Variants in ARAP2 observed in about 807,000 individuals in gnomAD.
ARAP2 encodes arf-GAP with Rho-GAP domain, ANK repeat and PH domain-containing protein 2.
A neutral mutation model predicts 194.5 loss-of-function variants in ARAP2; 148 were observed. The ratio of observed to expected loss-of-function variants is 0.76; its 90% CI spans 0.67 to 0.87. ARAP2 has a LOEUF of 0.87. Ranked by LOEUF, ARAP2 falls within the 40% of genes least tolerant of loss-of-function variation. The probability of loss-of-function intolerance (pLI) is 0.00; values close to 1 mark genes in which losing one functional copy is unlikely to be tolerated. For synonymous variants in ARAP2, 695 were observed against 683.5 expected, an observed-to-expected ratio of 1.02 and a Z score of -0.26; for missense variants, 2,128 against 1,989.7, an observed-to-expected ratio of 1.07 and a Z score of -1.32.
chr4:36,124,616 C>G (rs16991942), intron 22 of ARAP2, among the ~76,000 whole-genome samples: 1 of 151,816 alleles, frequency 6.6e-6, no homozygotes, highest in Non-Finnish European at 1.5e-5. Flanking sequence ...CTTTATTCTC[C>G]AGCTTCCAAA....
chr4:36,137,764 T>C (rs1450576700), intron 19 of ARAP2, among the ~76,000 whole-genome samples: 1 of 151,748 alleles, frequency 6.6e-6, no homozygotes, highest in East Asian at 1.9e-4. Context: ...TGAGCTTTCC[T>C]TTACCTGAGG....
At chr4:36,038,867 C>A (rs1720366555) in intron 5 of ARAP2, among the ~76,000 whole-genome samples, 1 of 152,258 alleles carries the variant, frequency 6.6e-6, no homozygotes, top group Non-Finnish European at 1.5e-5. Context: ...GAATGGAAAG[C>A]AATCTTGTAA....
intron 9 of ARAP2, among the ~76,000 whole-genome samples, chr4:36,011,592 G>A (rs576047797): frequency 6.6e-6 from 1 of 152,188 alleles, no homozygotes; most frequent in East Asian, 1.9e-4. Flanking sequence ...TGACTGTGAT[G>A]ACTAGTCACT....
intron 9 of ARAP2, among the ~76,000 whole-genome samples, chr4:36,169,510 C>T (rs866222582): frequency 6.6e-6 from 1 of 151,436 alleles, no homozygotes; most frequent in Non-Finnish European, 1.5e-5. Context: ...CCTCAAATTT[C>T]CCCCAAACAA....
At chr4:36,033,124 T>C (rs1197681619) in intron 5 of ARAP2, among the ~76,000 whole-genome samples, 1 of 152,224 alleles carries the variant, frequency 6.6e-6, no homozygotes, top group Admixed American at 6.5e-5. Flanking sequence ...AAATAGTGTT[T>C]CCATAAACAT....
chr4:36,060,112 A>G (rs1724175911), intron 1 of ARAP2, among the ~76,000 whole-genome samples: 1 of 152,174 alleles, frequency 6.6e-6, no homozygotes, highest in Admixed American at 6.5e-5. Context: ...AACAGGCTGT[A>G]AAATCATGGT....
chr4:36,091,889 C>G lies in ARAP2; in HGVS notation c.4417G>C (p.Asp1473His). 6.2e-7 allele frequency: 1 copy of G among 1,601,714 alleles called. No homozygotes were observed. The highest frequency in any genetic ancestry group is 1.3e-5 in the African/African-American group (1 of 74,778). ...ATGTTCAAATACTATACCTTCACAT[C>G]CTTGTAAAGAAAGAGAAACCCATCT... The part of the protein sequence containing the change: ...LRDGFLFLYK[D>H]VKSSKHDKMF... Residue 1473 changes from aspartate (D) to histidine (H), a missense_variant, in exon 28 of 33, where the codon GAT (aspartate) becomes CAT (histidine). By Grantham distance (81) the Asp-to-His change is moderately conservative. Transcript: ENST00000303965.
chr4:36,095,944 AC>A (rs1209658008), intron 27 of ARAP2, among the ~76,000 whole-genome samples: 4 of 152,152 alleles, frequency 2.6e-5, no homozygotes, highest in Non-Finnish European at 5.9e-5. Flanking sequence ...GATAACGCAC[AC>A]ACAAGATGTA....
chr4:36,040,308 T>C (rs915535753), intron 5 of ARAP2, among the ~76,000 whole-genome samples: 1 of 152,172 alleles, frequency 6.6e-6, no homozygotes, highest in African/African-American at 2.4e-5. Context: ...ACAAAACACA[T>C]ACGATGCCCA....
At chr4:36,173,078 A>T (rs552529571) in intron 9 of ARAP2, among the ~76,000 whole-genome samples, 2 of 152,186 alleles carry the variant, frequency 1.3e-5, no homozygotes, top group South Asian at 4.1e-4. Context: ...TGTAGTTTAA[A>T]CCTCAATGCC....
At chr4:36,037,426 C>T (rs934992239) in intron 5 of ARAP2, among the ~76,000 whole-genome samples, 1 of 152,080 alleles carries the variant, frequency 6.6e-6, no homozygotes, top group South Asian at 2.1e-4. Context: ...CATGTACTCC[C>T]CCTAGTCTTC....
intron 8 of ARAP2, among the ~76,000 whole-genome samples, chr4:36,183,026 C>T (rs549563710): frequency 6.6e-6 from 1 of 152,212 alleles, no homozygotes; most frequent in Non-Finnish European, 1.5e-5. Context: ...TGGGGCCCCA[C>T]AATCGAGTAT....
intron 5 of ARAP2, among the ~76,000 whole-genome samples, chr4:36,043,968 C>T (rs1044823628): frequency 8.6e-5 from 13 of 151,808 alleles, no homozygotes; most frequent in South Asian, 6.2e-4. Flanking sequence ...GTCTGAGATA[C>T]GTATTTCAAG....
At chr4:36,044,112 A>C (rs1721412478) in intron 5 of ARAP2, among the ~76,000 whole-genome samples, 1 of 152,294 alleles carries the variant, frequency 6.6e-6, no homozygotes, top group South Asian at 2.1e-4. Flanking sequence ...ACATTTATTT[A>C]GCATGTAGTG....
chr4:36,142,784 C>T (rs1728654679), intron 19 of ARAP2, among the ~76,000 whole-genome samples: 1 of 151,686 alleles, frequency 6.6e-6, no homozygotes, highest in South Asian at 2.1e-4. Flanking sequence ...CAACACAGGA[C>T]TTCTTCCTTT....
intron 3 of ARAP2, among the ~76,000 whole-genome samples, chr4:36,047,759 T>C (rs1233554111): frequency 6.6e-6 from 1 of 152,206 alleles, no homozygotes; most frequent in Non-Finnish European, 1.5e-5. Context: ...CATACTCCAA[T>C]GCCTTTTAGG....
chr4:36,013,558 A>C (rs1471601871), intron 8 of ARAP2, among the ~76,000 whole-genome samples: 1 of 152,186 alleles, frequency 6.6e-6, no homozygotes, highest in Non-Finnish European at 1.5e-5. Flanking sequence ...ATTACAGGAA[A>C]GAAAGTAGCG....
intron 31 of ARAP2, among the ~76,000 whole-genome samples, chr4:36,075,613 C>T (rs1184464197): frequency 1.3e-5 from 2 of 152,036 alleles, no homozygotes; most frequent in Non-Finnish European, 2.9e-5. Flanking sequence ...CATTTTTTAC[C>T]ACTTCCCTCA....
chr4:36,058,192 G>A (rs932395104), intron 1 of ARAP2: 7 of 152,244 alleles, frequency 4.6e-5, no homozygotes, highest in African/African-American at 1.7e-4. Context: ...AGTATCATGA[G>A]ACTACAAACA....
Sources: allele counts gnomAD v4.1 joint callset (sites outside exome capture counted in the v4.1 genomes callset), GRCh38; gene constraint gnomAD v4.1.1; transcripts MANE v1.5; gene names NCBI Gene and HGNC (gene_info 2026-07-23, HGNC 2026-07-21).